OXCT1: variants seen among roughly 807,000 people sequenced by gnomAD.
The protein encoded by OXCT1 is succinyl-CoA:3-ketoacid coenzyme A transferase 1, mitochondrial.
OXCT1 carries 27 observed loss-of-function variants against 69.6 expected under a neutral mutation model. That is an observed-to-expected ratio of 0.39 (90% CI 0.29 to 0.54). The LOEUF (loss-of-function observed/expected upper bound fraction) is 0.54. OXCT1 is among the 20% of genes least tolerant of loss of function. OXCT1 has a pLI of 0.72. For synonymous variants in OXCT1, 202 were observed against 217.8 expected (o/e 0.93, Z 0.64); for missense variants, 437 against 650.2 (o/e 0.67, Z 3.57).
chr5:41,840,945 C>T (rs1219203546), intron 6 of OXCT1, among the ~76,000 whole-genome samples: 1 of 152,180 alleles, frequency 6.6e-6, no homozygotes, highest in Non-Finnish European at 1.5e-5. Flanking sequence ...TGAGAAGGTA[C>T]AGTAATTACA....
At chr5:41,745,258 C>A (rs1002731615) in intron 15 of OXCT1, among the ~76,000 whole-genome samples, 1 of 151,944 alleles carries the variant, frequency 6.6e-6, no homozygotes, top group Non-Finnish European at 1.5e-5. Context: ...CACTCAAAAC[C>A]ACTCAACTAC....
intron 13 of OXCT1, among the ~76,000 whole-genome samples, chr5:41,781,159 T>A (rs1480263524): frequency 2.0e-5 from 3 of 152,062 alleles, no homozygotes; most frequent in Admixed American, 2.0e-4. Context: ...CATCTCGGCC[T>A]CCCAAAGTGC....
chr5:41,853,370 G>T (rs755859971), intron 4 of OXCT1, 49 bp downstream of exon 4: 20 of 1,560,040 alleles, frequency 1.3e-5, no homozygotes, highest in Middle Eastern at 1.7e-4. Flanking sequence ...GAGAAAAAAG[G>T]AATTTTTAAA....
intron 15 of OXCT1, among the ~76,000 whole-genome samples, chr5:41,747,956 G>T (rs529526992): frequency 6.6e-6 from 1 of 152,028 alleles, no homozygotes; most frequent in East Asian, 1.9e-4. Context: ...TGCTGGAAAG[G>T]CTGGATGTTT....
chr5:41,765,528 T>C (rs1357088379), intron 13 of OXCT1, among the ~76,000 whole-genome samples: 1 of 152,192 alleles, frequency 6.6e-6, no homozygotes, highest in East Asian at 1.9e-4. Flanking sequence ...GTATGACTAA[T>C]ATATTAAAGT....
chr5:41,766,265 C>T (rs1230963459), intron 13 of OXCT1, among the ~76,000 whole-genome samples: 1 of 152,028 alleles, frequency 6.6e-6, no homozygotes, highest in East Asian at 1.9e-4. Context: ...GCTAGCAATG[C>T]CGCATGCTCC....
At chr5:41,859,905 T>TAC (rs1307535385) in intron 3 of OXCT1, among the ~76,000 whole-genome samples, 37 of 139,808 alleles carry the variant, frequency 2.6e-4, no homozygotes, top group African/African-American at 8.5e-4. Flanking sequence ...TATATATATA[T>TAC]ATACACACAC....
chr5:41,779,029 C>A (rs937316406), intron 13 of OXCT1, among the ~76,000 whole-genome samples: 1 of 152,170 alleles, frequency 6.6e-6, no homozygotes, highest in Non-Finnish European at 1.5e-5. Context: ...AAATAACTCT[C>A]CACATTTCAA....
intron 12 of OXCT1, 109 bp from the exon 13 acceptor site, chr5:41,794,187 C>T (rs1746067882): frequency 7.6e-6 from 6 of 785,996 alleles, no homozygotes; most frequent in South Asian, 6.9e-5. Context: ...TACTTGCTTC[C>T]CCCACCACAC....
intron 14 of OXCT1, among the ~76,000 whole-genome samples, chr5:41,756,078 T>G (rs1031180012): frequency 6.6e-6 from 1 of 152,098 alleles, no homozygotes; most frequent in Admixed American, 6.6e-5. Flanking sequence ...GTTTATTCTT[T>G]CATTCACCAG....
chr5:41,819,473 C>A (rs779984716), intron 7 of OXCT1, among the ~76,000 whole-genome samples: 3 of 152,068 alleles, frequency 2.0e-5, no homozygotes, highest in Non-Finnish European at 4.4e-5. Flanking sequence ...CGGGTTCAAG[C>A]GATTCTCCTG....
intron 15 of OXCT1, among the ~76,000 whole-genome samples, chr5:41,744,592 G>A (rs939382299): frequency 1.3e-5 from 2 of 152,078 alleles, no homozygotes; most frequent in Admixed American, 6.6e-5. Context: ...TATGATATTG[G>A]CTGTGGGTTT....
intron 13 of OXCT1, among the ~76,000 whole-genome samples, chr5:41,765,943 T>G (rs1283347103): frequency 6.6e-6 from 1 of 151,892 alleles, no homozygotes; most frequent in Non-Finnish European, 1.5e-5. Flanking sequence ...AATGGGGAGA[T>G]TAAGGAGCTA....
chr5:41,819,665 T>C (rs565071062), intron 7 of OXCT1, among the ~76,000 whole-genome samples: 97 of 151,090 alleles, frequency 6.4e-4, no homozygotes, highest in Non-Finnish European at 1.0e-3. Context: ...CCACCTTCTT[T>C]TTTTTTTTTT....
chr5:41,849,746 C>T (rs1018531487), intron 5 of OXCT1, among the ~76,000 whole-genome samples: 2 of 152,324 alleles, frequency 1.3e-5, no homozygotes, highest in South Asian at 4.1e-4. Flanking sequence ...AACTGTTTCT[C>T]AATTTGTTAA....
At chr5:41,741,337 C>T (rs1227179290) in intron 15 of OXCT1, among the ~76,000 whole-genome samples, 2 of 152,150 alleles carry the variant, frequency 1.3e-5, no homozygotes, top group East Asian at 3.8e-4. Flanking sequence ...TATCAAGACA[C>T]AGCAACACGT....
intron 7 of OXCT1, among the ~76,000 whole-genome samples, chr5:41,828,399 C>CA (rs1182991468): frequency 1.3e-5 from 2 of 152,096 alleles, no homozygotes; most frequent in Non-Finnish European, 2.9e-5. Context: ...GCTGGGATTA[C>CA]AGGCATGAGC....
At chr5:41,864,082 G>A (rs1749858787) in intron 1 of OXCT1, among the ~76,000 whole-genome samples, 1 of 152,166 alleles carries the variant, frequency 6.6e-6, no homozygotes, top group African/African-American at 2.4e-5. Flanking sequence ...GAGTCACCTA[G>A]TGAATATTCA....
At chr5:41,750,422 G>A (rs554182173) in intron 14 of OXCT1, among the ~76,000 whole-genome samples, 1 of 151,964 alleles carries the variant, frequency 6.6e-6, no homozygotes, top group South Asian at 2.1e-4. Flanking sequence ...TTGGCTCTGA[G>A]GATCTGATCT....
Sources: allele counts gnomAD v4.1 joint callset (sites outside exome capture counted in the v4.1 genomes callset), GRCh38; gene constraint gnomAD v4.1.1; transcripts MANE v1.5; gene names NCBI Gene and HGNC (gene_info 2026-07-23, HGNC 2026-07-21).